The following SLC44A5 variants were observed in gnomAD, a reference collection of about 807,000 sequenced individuals.
SLC44A5 encodes solute carrier family 44 member 5.
SLC44A5 carries 57 observed loss-of-function variants against 101.8 expected under a neutral mutation model. The ratio of observed to expected loss-of-function variants is 0.56; its 90% CI spans 0.45 to 0.70. The LOEUF is 0.70. SLC44A5 is among the 30% of genes least tolerant of loss of function. The pLI, the probability that SLC44A5 is intolerant of heterozygous loss-of-function variation, is 0.00. For missense variants in SLC44A5, 737 were observed against 853.1 expected (o/e 0.86, Z 1.70); for synonymous variants, 281 against 290.9 (o/e 0.97, Z 0.35).
intron 2 of SLC44A5, among the ~76,000 whole-genome samples, chr1:75,463,992 G>A (rs765782700): frequency 5.3e-5 from 8 of 152,102 alleles, no homozygotes; most frequent in Non-Finnish European, 7.4e-5. Context: ...AGAGGCCAAG[G>A]CAGGAGGTTT....
rs149464872 is a variant in SLC44A5 at position 75,358,815 on chromosome 1, C to A, written c.53-19185G>T. Among the ~76,000 whole-genome samples the A allele has an allele frequency of 1.9e-3, 282 of 152,218 alleles. 1 individual carries two copies. The highest frequency in any genetic ancestry group is 6.5e-3 in the African/African-American group (271 of 41,526). ...AGAATGATTCAATCAAGCTGATAAA[C>A]ATATCCCTTATGCTTGTTATCATAC... is the stretch of plus-strand genomic sequence containing the variant. On this transcript the variant is annotated intron_variant, in intron 3 of 23. Coordinates refer to ENST00000370859, the MANE Select transcript of SLC44A5 (RefSeq NM_001130058.2).
At position 75,238,562 on chromosome 1, in the gene SLC44A5, C is replaced by T; in HGVS notation, c.607G>A (p.Asp203Asn). Residue 203 changes from aspartate (D) to asparagine (N), a missense_variant, in exon 10 of 24, where the codon GAT (aspartate) becomes AAT (asparagine). Coordinates refer to ENST00000370859, the MANE Select transcript of SLC44A5 (RefSeq NM_001130058.2). ...LTIGSKMMFQ[D>N]GNGGTRSVVE... ...ACACTTCTTGTCCCTCCATTTCCATCTTGAAACATCATCTTACTTCCTATT... is the reference window on the plus strand; with the variant it reads ...ACACTTCTTGTCCCTCCATTTCCATTTTGAAACATCATCTTACTTCCTATT... The T allele has an allele frequency of 5.0e-6, 8 of 1,601,130 alleles. No individual in the cohort carries two copies. Among genetic ancestry groups the T allele is most frequent in the Non-Finnish European group, 6.8e-6 (8 of 1,173,914 alleles).
chr1:75,587,320 C>T (rs57102744), intron 1 of SLC44A5, among the ~76,000 whole-genome samples: 2,467 of 152,276 alleles, frequency 0.016, 73 homozygotes, highest in African/African-American at 0.057. Flanking sequence ...GCAACTTACA[C>T]ATGTATAACA....
chr1:75,621,297 T>C, the SLC44A5 span, among the ~76,000 whole-genome samples: 2 of 152,162 alleles, frequency 1.3e-5, no homozygotes, highest in African/African-American at 4.8e-5. Context: ...TAACATTAGT[T>C]ACATGTCGTA....
intron 2 of SLC44A5, among the ~76,000 whole-genome samples, chr1:75,418,546 G>A (rs181121466): frequency 6.6e-6 from 1 of 152,188 alleles, no homozygotes; most frequent in Non-Finnish European, 1.5e-5. Context: ...AGAAAATGGG[G>A]AAAGCATTCC....
intron 2 of SLC44A5, among the ~76,000 whole-genome samples, chr1:75,430,893 C>A (rs1037976577): frequency 6.6e-6 from 1 of 152,222 alleles, no homozygotes. Flanking sequence ...TACTATTCCC[C>A]ACCACCTCTC....
chr1:75,642,699 TGAG>T, the SLC44A5 span, among the ~76,000 whole-genome samples: 3 of 151,604 alleles, frequency 2.0e-5, no homozygotes, highest in East Asian at 3.9e-4. Flanking sequence ...AGGAGAAGTA[TGAG>T]GAGGAGGAGG....
chr1:75,429,389 CCTCA>C (rs1457937130), intron 2 of SLC44A5, among the ~76,000 whole-genome samples: 5 of 152,080 alleles, frequency 3.3e-5, no homozygotes, highest in African/African-American at 7.2e-5. Flanking sequence ...ATATCTGGAT[CCTCA>C]CTATCATGAA....
At chr1:75,420,173 A>G (rs1222580151) in intron 2 of SLC44A5, among the ~76,000 whole-genome samples, 1 of 152,040 alleles carries the variant, frequency 6.6e-6, no homozygotes, top group Non-Finnish European at 1.5e-5. Flanking sequence ...CAGACACCAA[A>G]TCTGTTGGTG....
intron 3 of SLC44A5, among the ~76,000 whole-genome samples, chr1:75,362,786 T>C (rs1438813912): frequency 6.6e-6 from 1 of 152,108 alleles, no homozygotes; most frequent in Non-Finnish European, 1.5e-5. Flanking sequence ...GGACTGCATG[T>C]TCTTTAGACA....
chr1:75,531,006 C>T (rs1670689920), intron 2 of SLC44A5, among the ~76,000 whole-genome samples: 1 of 152,102 alleles, frequency 6.6e-6, no homozygotes, highest in Non-Finnish European at 1.5e-5. Flanking sequence ...GATTAGAAAA[C>T]CTGACAAGTC....
the SLC44A5 span, among the ~76,000 whole-genome samples, chr1:75,707,542 C>T: frequency 1.3e-5 from 2 of 152,178 alleles, no homozygotes; most frequent in Admixed American, 6.5e-5. Flanking sequence ...CTATTCTCCC[C>T]CAGGGCTCTG....
the SLC44A5 span, among the ~76,000 whole-genome samples, chr1:75,721,377 T>C: frequency 6.6e-6 from 1 of 152,210 alleles, no homozygotes; most frequent in Non-Finnish European, 1.5e-5. Context: ...ATTTGTAAGC[T>C]TTCTTAAAAC....
Position 75,226,627 on chromosome 1 carries a change from C to G in SLC44A5, c.985+1099G>C, listed in dbSNP as rs191682733. 9.2e-5 allele frequency among the ~76,000 whole-genome samples: 14 copies of G among 152,198 alleles called. No homozygotes were observed. The East Asian group carries it at 2.7e-3, about 29-fold the overall frequency. On this transcript the variant is annotated intron_variant, in intron 13 of 23. Coordinates refer to ENST00000370859, the MANE Select transcript of SLC44A5 (RefSeq NM_001130058.2). The stretch of plus-strand genomic sequence containing the variant: ...GCATGCCTGTAATCATGATGCCCCA[C>G]CAAGATATTGCTCCCTTCTGAGGTT...
At chr1:75,248,137 A>T (rs903901975) in intron 7 of SLC44A5, among the ~76,000 whole-genome samples, 11 of 152,190 alleles carry the variant, frequency 7.2e-5, no homozygotes, top group African/African-American at 2.4e-4. Flanking sequence ...AATGAATAAG[A>T]TGGTATAAGA....
intron 15 of SLC44A5, 102 bp from the exon 16 acceptor site, chr1:75,219,446 A>T (rs764876568): frequency 1.1e-4 from 85 of 782,574 alleles, no homozygotes; most frequent in Admixed American, 2.4e-4. Context: ...AAATTAACTT[A>T]AAAAATGCCT....
intron 4 of SLC44A5, among the ~76,000 whole-genome samples, chr1:75,301,860 A>T (rs532412404): frequency 5.3e-5 from 8 of 152,206 alleles, no homozygotes; most frequent in Non-Finnish European, 8.8e-5. Flanking sequence ...CTTATGAGTT[A>T]TGTTAATATG....
chr1:75,388,378 C>T (rs887505171), intron 3 of SLC44A5, among the ~76,000 whole-genome samples: 7 of 151,894 alleles, frequency 4.6e-5, no homozygotes, highest in African/African-American at 1.5e-4. Flanking sequence ...ACATAGTCCA[C>T]AGAACCTATA....
chr1:75,577,174 C>T (rs892243506), intron 1 of SLC44A5, among the ~76,000 whole-genome samples: 5 of 152,190 alleles, frequency 3.3e-5, no homozygotes, highest in Non-Finnish European at 7.3e-5. Flanking sequence ...GTACCATAAT[C>T]CTTGCTTGGG....
Sources: gnomAD v4.1 joint callset for allele counts (sites outside exome capture counted in the v4.1 genomes callset) on GRCh38, gnomAD v4.1.1 for gene constraint, MANE v1.5 for transcripts, NCBI Gene and HGNC (gene_info 2026-07-23, HGNC 2026-07-21) for gene names.